The following NEDD8 variants were observed in gnomAD, a reference collection of about 807,000 sequenced individuals.
The protein encoded by NEDD8 is NEDD8 ubiquitin like modifier, also known as ubiquitin-like protein NEDD8.
Under a neutral mutation model 13.8 loss-of-function variants are expected in NEDD8, and 1 was observed. The observed-to-expected ratio is 0.07, with a 90% CI of 0.03 to 0.34. The LOEUF is 0.34. Among genes scored for constraint, NEDD8 ranks in the 10% least tolerant of loss-of-function variants. The pLI, the probability that NEDD8 is intolerant of heterozygous loss-of-function variation, is 0.99. For synonymous variants in NEDD8, 31 were observed against 33.2 expected (o/e 0.93, Z 0.23); for missense variants, 10 against 95.2 (o/e 0.10, Z 3.73).
chr14:24,221,783 G>C (rs1314523884), intron 1 of NEDD8, among the ~76,000 whole-genome samples: 1 of 151,476 alleles, frequency 6.6e-6, no homozygotes, highest in East Asian at 1.9e-4. Context: ...TTTTAGTAGA[G>C]AAGGGTTTCT....
chr14:24,221,759 G>A (rs1049687807), intron 1 of NEDD8, among the ~76,000 whole-genome samples: 2 of 151,718 alleles, frequency 1.3e-5, no homozygotes, highest in Non-Finnish European at 1.5e-5. Context: ...CACCACACCT[G>A]GCTAATTTTG....
At chr14:24,222,565 TA>T in intron 1 of NEDD8, among the ~76,000 whole-genome samples, 1 of 152,268 alleles carries the variant, frequency 6.6e-6, no homozygotes, top group South Asian at 2.1e-4. Flanking sequence ...TTGATAAGGG[TA>T]AGATTTTGTA....
intron 1 of NEDD8, chr14:24,226,460 A>T (rs2039893139): frequency 1.3e-5 from 2 of 152,164 alleles, no homozygotes; most frequent in Admixed American, 1.3e-4. Flanking sequence ...AAAAAAAAAA[A>T]AAATTAAAAA....
At chr14:24,232,189 C>T (rs367915992) in intron 1 of NEDD8, 61 bp downstream of exon 1, 2 of 1,612,218 alleles carry the variant, frequency 1.2e-6, no homozygotes, top group African/African-American at 2.7e-5. Context: ...CCACGTCTCC[C>T]GTAAGGCACT....
At chr14:24,224,484 C>T (rs2039858650) in intron 1 of NEDD8, among the ~76,000 whole-genome samples, 1 of 152,236 alleles carries the variant, frequency 6.6e-6, no homozygotes. Context: ...GTGTGAGCCA[C>T]TGTACCCGGC....
chr14:24,220,574 G>A (rs1231810437), intron 1 of NEDD8, among the ~76,000 whole-genome samples: 1 of 152,048 alleles, frequency 6.6e-6, no homozygotes, highest in Non-Finnish European at 1.5e-5. Context: ...CTCCTGCCTC[G>A]GCCTCCCAAA....
intron 1 of NEDD8, among the ~76,000 whole-genome samples, chr14:24,221,987 G>A (rs138095859): frequency 0.018 from 2,811 of 152,282 alleles, 40 homozygotes; most frequent in Non-Finnish European, 0.027. Flanking sequence ...TTTTTAAAAA[G>A]GATTATTGGT....
chr14:24,221,460 A>T (rs933962006), intron 1 of NEDD8, among the ~76,000 whole-genome samples: 1 of 151,782 alleles, frequency 6.6e-6, no homozygotes, highest in Admixed American at 6.6e-5. Context: ...TTGTATTTTT[A>T]GTAGAGATGG....
rs2039715681 is a variant in NEDD8 at position 24,217,082 on chromosome 14, G to A, written c.*45C>T. On this transcript the variant is annotated 3_prime_UTR_variant, in exon 4 of 4. Coordinates refer to ENST00000250495, the MANE Select transcript of NEDD8 (RefSeq NM_006156.3). ...CCCAGAGAGTGAGAGGATATATGAT[G>A]CCTCATTATGAGCGACAGGGTAAAG... 6.8e-7 allele frequency: 1 copy of A among 1,475,070 alleles called. No individual in the cohort carries two copies. The highest frequency in any genetic ancestry group is 9.4e-7 in the Non-Finnish European group (1 of 1,064,458). The allele number at this position is 1,475,070 out of a possible 1,614,324, so 91.4% of individuals were successfully genotyped here.
At chr14:24,223,541 A>ATATTTATT (rs754642504) in intron 1 of NEDD8, among the ~76,000 whole-genome samples, 1 of 151,888 alleles carries the variant, frequency 6.6e-6, no homozygotes, top group Non-Finnish European at 1.5e-5. Flanking sequence ...AAAGTTTTTT[A>ATATTTATT]TATTTATTTA....
chr14:24,229,847 C>T lies in NEDD8; in HGVS notation c.18+2403G>A, dbSNP rs528481828. Among the ~76,000 whole-genome samples the T allele has an allele frequency of 2.1e-4, 32 of 152,154 alleles. 1 individual carries two copies. The South Asian group carries it at 3.3e-3, about 16-fold the overall frequency. Reference sequence around the variant, plus strand: ...TCTCAACACTTTAGGCGGAGGTGAGCGGATCACTAGGTCAAGAGATCGATA... The same window carrying T: ...TCTCAACACTTTAGGCGGAGGTGAGTGGATCACTAGGTCAAGAGATCGATA... On this transcript the variant is annotated intron_variant, in intron 1 of 3. Transcript: ENST00000250495.
At position 24,224,434 on chromosome 14, in the gene NEDD8, G is replaced by C. The variant is rs1038687949; in HGVS notation, c.19-6003C>G. On this transcript the variant is annotated intron_variant, in intron 1 of 3. Coordinates refer to ENST00000250495, the MANE Select transcript of NEDD8 (RefSeq NM_006156.3). ...TGGTCTCAAACTTCTGGCCTCAAGT[G>C]ATCTTCCCACCTCAGCCTCCTAACT... is the stretch of plus-strand genomic sequence containing the variant. Among the ~76,000 whole-genome samples, 3 of 152,138 alleles carry C rather than the reference G, an allele frequency of 2.0e-5. No homozygotes were observed. In the South Asian group the frequency reaches 6.2e-4, roughly 32 times the overall value.
chr14:24,231,935 C>A, intron 1 of NEDD8: 1 of 358,102 alleles, frequency 2.8e-6, no homozygotes, highest in African/African-American at 2.1e-5. Flanking sequence ...CAAGCCGCTG[C>A]TAGGCCTTCT....
intron 1 of NEDD8, among the ~76,000 whole-genome samples, chr14:24,219,197 C>G (rs1228352262): frequency 6.6e-6 from 1 of 151,950 alleles, no homozygotes; most frequent in Non-Finnish European, 1.5e-5. Flanking sequence ...CATGGTGGCT[C>G]ACACCTGCAA....
rs59964484 is a variant in NEDD8, at chr14:24,219,475, C to CAAA, written c.19-1047_19-1045dup. On this transcript the variant is annotated intron_variant, in intron 1 of 3. Transcript: ENST00000250495. ...TACTCCAGCCTGGGCAACACCCTCG[C>CAAA]AAAAAAAAAAAAAAAAAAAAAAAAA... Among the ~76,000 whole-genome samples, 221 of 33,368 alleles carry CAAA rather than the reference C, an allele frequency of 6.6e-3. 5 individuals carry two copies. The highest frequency in any genetic ancestry group is 0.024 in the African/African-American group (201 of 8,322). The allele number at this position is 33,368 out of a possible 152,430, so 21.9% of individuals were successfully genotyped here.
intron 1 of NEDD8, among the ~76,000 whole-genome samples, chr14:24,226,349 C>G (rs190334718): frequency 4.8e-4 from 71 of 148,934 alleles, no homozygotes; most frequent in African/African-American, 1.4e-3. Context: ...AAAAAATTAG[C>G]TAGGCATGGT....
chr14:24,232,031 G>T, intron 1 of NEDD8: 1 of 634,758 alleles, frequency 1.6e-6, no homozygotes, highest in Non-Finnish European at 2.6e-6. Context: ...AAAAAAGCAG[G>T]CATGGCAAAA....
At chr14:24,232,185 C>G in intron 1 of NEDD8, 65 bp downstream of exon 1, 1 of 1,610,880 alleles carries the variant, frequency 6.2e-7, no homozygotes, top group Non-Finnish European at 8.5e-7. Context: ...TTCCCCACGT[C>G]TCCCGTAAGG....
intron 3 of NEDD8, 30 bp from the exon 4 acceptor site, chr14:24,217,253 AAAAAG>A (rs1241577771): frequency 2.8e-5 from 44 of 1,564,896 alleles, no homozygotes; most frequent in Non-Finnish European, 3.7e-5. Context: ...GAAAAAAAAG[AAAAAG>A]AAGACTTAGG....
Sources: allele counts gnomAD v4.1 joint callset (sites outside exome capture counted in the v4.1 genomes callset), GRCh38; gene constraint gnomAD v4.1.1; transcripts MANE v1.5; gene names NCBI Gene and HGNC (gene_info 2026-07-23, HGNC 2026-07-21).